Variants in MYO3B observed in about 807,000 individuals in gnomAD.
MYO3B encodes myosin-IIIb.
A neutral mutation model predicts 174.6 loss-of-function variants in MYO3B; 156 were observed. That is an observed-to-expected ratio of 0.89 (90% confidence interval 0.78 to 1.02). The LOEUF is 1.02. MYO3B is among the 50% of genes least tolerant of loss of function. The pLI, the probability that MYO3B is intolerant of heterozygous loss-of-function variation, is 0.00. For synonymous variants in MYO3B, 563 were observed against 569.1 expected, an observed-to-expected ratio of 0.99 and a Z score of 0.15; for missense variants, 1,632 against 1,639.4, an observed-to-expected ratio of 1.00 and a Z score of 0.08.
intron 7 of MYO3B, among the ~76,000 whole-genome samples, chr2:170,264,232 T>A (rs146653456): frequency 2.0e-5 from 3 of 152,334 alleles, no homozygotes; most frequent in Admixed American, 1.3e-4. Flanking sequence ...CAGTCTGATC[T>A]CTCTTTCTTT....
At chr2:170,254,465 G>A (rs2093286183) in intron 7 of MYO3B, among the ~76,000 whole-genome samples, 1 of 152,190 alleles carries the variant, frequency 6.6e-6, no homozygotes, top group African/African-American at 2.4e-5. Context: ...TGCTCCCAGT[G>A]TCTGCTGGCC....
At chr2:170,286,478 G>A (rs2105406178) in intron 7 of MYO3B, among the ~76,000 whole-genome samples, 2 of 152,084 alleles carry the variant, frequency 1.3e-5, no homozygotes, top group Middle Eastern at 3.4e-3. Flanking sequence ...AGGCTTTCCT[G>A]GATTATATCT....
intron 7 of MYO3B, among the ~76,000 whole-genome samples, chr2:170,248,196 C>G (rs2093213084): frequency 6.6e-6 from 1 of 152,154 alleles, no homozygotes; most frequent in Non-Finnish European, 1.5e-5. Context: ...ATGAAAATAT[C>G]TCTTTCTTTC....
chr2:170,329,846 A>T (rs1431476181), intron 7 of MYO3B, among the ~76,000 whole-genome samples: 1 of 152,216 alleles, frequency 6.6e-6, no homozygotes, highest in East Asian at 1.9e-4. Flanking sequence ...ACACAGACAC[A>T]CGACTAACTA....
chr2:170,545,956 A>G (rs1645198873), intron 32 of MYO3B, among the ~76,000 whole-genome samples: 1 of 152,130 alleles, frequency 6.6e-6, no homozygotes, highest in East Asian at 1.9e-4. Context: ...ATGACCTTCA[A>G]GGCTTTCTCT....
Position 170,401,799 on chromosome 2 carries a change from TTTC to T in MYO3B, c.2129+111_2129+113del. The T allele has an allele frequency of 3.9e-6, 4 of 1,023,514 alleles. No homozygotes were observed. The African/African-American group carries it at 5.1e-5, about 13-fold the overall frequency. 63.4% of individuals were successfully genotyped at this position (1,023,514 alleles called of 1,614,324 possible). ...GGTCCTCTCTGGGATTTTCTTTCTT[TTTC>T]TTTTTTTTTTTTTTTGTGGAGTCAG... On this transcript the variant is annotated intron_variant, in intron 18 of 34. Transcript: ENST00000408978.
intron 7 of MYO3B, chr2:170,334,321 T>C (rs2093932590): frequency 6.6e-6 from 1 of 152,198 alleles, no homozygotes. Flanking sequence ...GAAATAAAAA[T>C]TGTACTATAA....
chr2:170,646,587 C>T (rs192452537), intron 32 of MYO3B, among the ~76,000 whole-genome samples: 3 of 152,052 alleles, frequency 2.0e-5, no homozygotes, highest in Admixed American at 1.3e-4. Context: ...GTAGAGATGG[C>T]ACTTCGCCAT....
chr2:170,284,960 G>A (rs1333131231), intron 7 of MYO3B, among the ~76,000 whole-genome samples: 2 of 152,252 alleles, frequency 1.3e-5, no homozygotes, highest in African/African-American at 4.8e-5. Flanking sequence ...GTCTCATACT[G>A]TACATATCCA....
intron 22 of MYO3B, among the ~76,000 whole-genome samples, chr2:170,435,462 C>A (rs2094746087): frequency 6.6e-6 from 1 of 152,114 alleles, no homozygotes; most frequent in South Asian, 2.1e-4. Context: ...GGCTTGGAGA[C>A]TCCTGAAAAA....
At chr2:170,528,117 C>T (rs1689117679) in intron 30 of MYO3B, among the ~76,000 whole-genome samples, 2 of 152,324 alleles carry the variant, frequency 1.3e-5, no homozygotes, top group East Asian at 3.9e-4. Context: ...AGTCGAAAAT[C>T]CTAATTAAAC....
rs551456418 is a variant in MYO3B at position 170,388,679 on chromosome 2, A to G, written c.1577+1371A>G. On this transcript the variant is annotated intron_variant, in intron 14 of 34. Transcript: ENST00000408978. ...CAAGGATTGTGTTGACATGATTAGG[A>G]GGCTGTTGCCAGATTCATGTGAGAG... is the stretch of plus-strand genomic sequence containing the variant. Among the ~76,000 whole-genome samples the G allele has an allele frequency of 1.2e-4, 18 of 152,292 alleles. No individual in the cohort carries two copies. In the South Asian group the frequency reaches 3.7e-3, roughly 32 times the overall value.
intron 32 of MYO3B, chr2:170,601,625 T>G: frequency 7.9e-7 from 1 of 1,273,566 alleles, no homozygotes; most frequent in South Asian, 1.2e-5. Context: ...CATCATCATC[T>G]TCTTCATCTT....
At chr2:170,549,191 C>T (rs372862054) in intron 32 of MYO3B, among the ~76,000 whole-genome samples, 4 of 152,224 alleles carry the variant, frequency 2.6e-5, no homozygotes, top group Non-Finnish European at 4.4e-5. Context: ...AAAGAACCCT[C>T]ACTACCTGCC....
chr2:170,240,543 T>C (rs575520748), intron 7 of MYO3B, among the ~76,000 whole-genome samples: 1 of 152,326 alleles, frequency 6.6e-6, no homozygotes, highest in South Asian at 2.1e-4. Context: ...AAAGCCCACA[T>C]GTTTTGCTAC....
intron 15 of MYO3B, among the ~76,000 whole-genome samples, chr2:170,392,106 G>C (rs1392499228): frequency 7.4e-6 from 1 of 134,562 alleles, no homozygotes; most frequent in African/African-American, 2.8e-5. Flanking sequence ...CTGGGTGACA[G>C]AGCAAGACCC....
In MYO3B at chr2:170,443,322, G is replaced by A. The variant is rs1274174680; in HGVS notation, c.2651-645G>A. Among the ~76,000 whole-genome samples, 4 of 152,148 alleles carry A rather than the reference G, an allele frequency of 2.6e-5. No homozygotes were observed. In the East Asian group the frequency reaches 5.8e-4, roughly 22 times the overall value. ...TGAGAAGTGTCTGTTCATATCCTTTGCCCACTTTTTGATGGGGTTGTTTGA... is the reference window on the plus strand; with the variant it reads ...TGAGAAGTGTCTGTTCATATCCTTTACCCACTTTTTGATGGGGTTGTTTGA... On this transcript the variant is annotated intron_variant, in intron 22 of 34. Transcript: ENST00000408978.
chr2:170,447,057 G>A (rs62170682), intron 23 of MYO3B, among the ~76,000 whole-genome samples: 42,357 of 152,036 alleles, frequency 0.28, 6,178 homozygotes, highest in Admixed American at 0.37. Flanking sequence ...TGTCACATGA[G>A]GGTCTTCAGG....
At chr2:170,386,293 C>T (rs572861458) in intron 13 of MYO3B, 21 bp downstream of exon 13, 56 of 1,596,928 alleles carry the variant, frequency 3.5e-5, no homozygotes, top group Admixed American at 2.4e-4. Context: ...ATCTGCTTTA[C>T]GTATTGTGGC....
Sources: allele counts gnomAD v4.1 joint callset (sites outside exome capture counted in the v4.1 genomes callset), GRCh38; gene constraint gnomAD v4.1.1; transcripts MANE v1.5; gene names NCBI Gene and HGNC (gene_info 2026-07-23, HGNC 2026-07-21).